The following DSCAML1 variants were observed in gnomAD, a reference collection of about 807,000 sequenced individuals.
The protein encoded by DSCAML1 is DS cell adhesion molecule like 1.
DSCAML1 carries 38 observed loss-of-function variants against 200.5 expected under a neutral mutation model. The ratio of observed to expected loss-of-function variants is 0.19; its 90% CI spans 0.15 to 0.25. DSCAML1 has a LOEUF of 0.25. Among genes scored for constraint, DSCAML1 ranks in the 10% least tolerant of loss-of-function variants. The pLI, the probability that DSCAML1 is intolerant of heterozygous loss-of-function variation, is 1.00. For missense variants in DSCAML1, 2,223 were observed against 2,858.8 expected (o/e 0.78, Z 5.07); for synonymous variants, 1,215 against 1,165.0 (o/e 1.04, Z -0.87).
rs1283063811 is a variant in DSCAML1 at position 117,428,340 on chromosome 11, G to A, written c.6150C>T (p.Tyr2050=). 7 of 1,560,248 alleles carry A rather than the reference G, an allele frequency of 4.5e-6. No individual in the cohort carries two copies. Among genetic ancestry groups the A allele is most frequent in the Non-Finnish European group, 6.1e-6 (7 of 1,139,714 alleles). Reference sequence around the variant, plus strand: ...CTTCCTGCGGGCCCTACACCAGGGTGTAGGATTTGGAGTAGGCCCCGGCCC... The same window carrying A: ...CTTCCTGCGGGCCCTACACCAGGGTATAGGATTTGGAGTAGGCCCCGGCCC... ...KQGAGAYSKS[Y]TLV Residue 2050 remains tyrosine (Y), a synonymous_variant, in exon 33 of 33, where the codon TAC becomes TAT. Transcript: ENST00000651296.
At chr11:117,472,850 C>T (rs1456627765) in intron 14 of DSCAML1, among the ~76,000 whole-genome samples, 1 of 152,124 alleles carries the variant, frequency 6.6e-6, no homozygotes, top group Admixed American at 6.5e-5. Context: ...GGCTGCGCAC[C>T]TATTAGGGGT....
chr11:117,731,134 T>A (rs889057406), intron 3 of DSCAML1, among the ~76,000 whole-genome samples: 1 of 152,244 alleles, frequency 6.6e-6, no homozygotes, highest in Non-Finnish European at 1.5e-5. Context: ...TAAATGGGTA[T>A]ATTGTATGGT....
At chr11:117,565,081 A>G (rs923204356) in intron 3 of DSCAML1, among the ~76,000 whole-genome samples, 4 of 152,064 alleles carry the variant, frequency 2.6e-5, no homozygotes, top group Admixed American at 1.3e-4. Context: ...CTCACTTTCA[A>G]TGACGACCTG....
chr11:117,726,350 G>T (rs1005021557), intron 3 of DSCAML1, among the ~76,000 whole-genome samples: 10 of 152,066 alleles, frequency 6.6e-5, no homozygotes, highest in Non-Finnish European at 1.5e-4. Flanking sequence ...TATTCTGTGT[G>T]GGGGAAGGGA....
rs1482175743 is a variant in DSCAML1 at position 117,504,500 on chromosome 11, C to T, written c.2182+424G>A. ...GTCACGAATACAGTCTAGGATTGGG[C>T]CTCAGTCAGAAAGCAAAGGCATCCC... On this transcript the variant is annotated intron_variant, in intron 10 of 32. Coordinates refer to ENST00000651296, the MANE Select transcript of DSCAML1 (RefSeq NM_020693.4). The surrounding 1 kb of genome is among the most constrained non-coding windows in gnomAD (Gnocchi z 5.0). 2.0e-5 allele frequency among the ~76,000 whole-genome samples: 3 copies of T among 152,106 alleles called. No homozygotes were observed. In the East Asian group the frequency reaches 5.8e-4, roughly 29 times the overall value.
intron 4 of DSCAML1, among the ~76,000 whole-genome samples, chr11:117,526,597 C>A (rs1488509657): frequency 5.9e-5 from 9 of 152,142 alleles, no homozygotes; most frequent in Non-Finnish European, 1.2e-4. Flanking sequence ...TGGCTCACTG[C>A]AACCTCCGCC....
At chr11:117,581,136 C>G (rs2051030662) in intron 3 of DSCAML1, among the ~76,000 whole-genome samples, 2 of 152,158 alleles carry the variant, frequency 1.3e-5, no homozygotes, top group South Asian at 2.1e-4. Context: ...GCCCTTTTGC[C>G]CCTGTGAAAA....
rs1463516176 is a variant in DSCAML1, at chr11:117,505,691, T to C, written c.1825A>G (p.Ile609Val). ...IQPFEFPPAS[I>V]GQLLYIPCVV... Reference sequence around the variant, plus strand: ...CAGGGAATGTAGAGCAGCTGGCCGATGGAGGCGGGTGGGAATTCGAAGGGC... The same window carrying C: ...CAGGGAATGTAGAGCAGCTGGCCGACGGAGGCGGGTGGGAATTCGAAGGGC... Residue 609 changes from isoleucine (I) to valine (V), a missense_variant, in exon 9 of 33, where the codon ATC (isoleucine) becomes GTC (valine). Transcript: ENST00000651296. This position sits in a 1 kb window ranked among gnomAD's most constrained non-coding sequence, Gnocchi z 6.7. 4 of 1,612,966 alleles carry C rather than the reference T, an allele frequency of 2.5e-6. No individual in the cohort carries two copies. Among genetic ancestry groups the C allele is most frequent in the East Asian group, 4.5e-5 (2 of 44,878 alleles).
chr11:117,487,326 A>C (rs1171894509), intron 11 of DSCAML1, among the ~76,000 whole-genome samples: 4 of 152,008 alleles, frequency 2.6e-5, no homozygotes, highest in East Asian at 1.9e-4. Flanking sequence ...ATTTTTTTGA[A>C]CATGTGACAG....
At chr11:117,581,711 G>A (rs994652117) in intron 3 of DSCAML1, among the ~76,000 whole-genome samples, 4 of 152,098 alleles carry the variant, frequency 2.6e-5, no homozygotes, top group Non-Finnish European at 5.9e-5. Flanking sequence ...TATTATCCCC[G>A]TTTTATAGAT....
At chr11:117,797,590 GC>G (rs200758468), upstream of DSCAML1, among the ~76,000 whole-genome samples, 1 of 150,174 alleles carries the variant, frequency 6.7e-6, no homozygotes, top group African/African-American at 2.4e-5. Context: ...AGCTTACCCG[GC>G]CCCCCCACCC....
rs550559850 is a variant in DSCAML1 at position 117,622,770 on chromosome 11, C to T, written c.512-90248G>A. 1.4e-4 allele frequency among the ~76,000 whole-genome samples: 21 copies of T among 152,306 alleles called. 1 individual carries two copies. In the South Asian group the frequency reaches 3.5e-3, roughly 26 times the overall value. On this transcript the variant is annotated intron_variant, in intron 3 of 32. Coordinates refer to ENST00000651296, the MANE Select transcript of DSCAML1 (RefSeq NM_020693.4). ...CATCTCAACTACCTACATTTTGGTG[C>T]TCCTCGTTCTCCCCCACCCTCAAGG...
intron 3 of DSCAML1, among the ~76,000 whole-genome samples, chr11:117,730,842 A>G (rs1007221388): frequency 8.5e-5 from 13 of 152,248 alleles, no homozygotes; most frequent in Admixed American, 8.5e-4. Context: ...TCAAATGTGG[A>G]TTCATCCTGC....
intron 3 of DSCAML1, among the ~76,000 whole-genome samples, chr11:117,765,109 G>A (rs1345813863): frequency 6.6e-6 from 1 of 152,212 alleles, no homozygotes; most frequent in Non-Finnish European, 1.5e-5. Context: ...CAAAGGTGAA[G>A]AGGAGGAGTC....
intron 3 of DSCAML1, among the ~76,000 whole-genome samples, chr11:117,647,139 C>T (rs2052536119): frequency 6.6e-6 from 1 of 152,232 alleles, no homozygotes; most frequent in Non-Finnish European, 1.5e-5. Flanking sequence ...AGCCTGCTCA[C>T]CAGAGCTGGA....
chr11:117,646,380 G>GCC (rs2052523593), intron 3 of DSCAML1, among the ~76,000 whole-genome samples: 1 of 152,132 alleles, frequency 6.6e-6, no homozygotes, highest in East Asian at 1.9e-4. Context: ...AGTGCCTGAT[G>GCC]GGAAGGGAGG....
upstream of DSCAML1, among the ~76,000 whole-genome samples, chr11:117,799,350 A>G (rs1012979006): frequency 1.3e-5 from 2 of 152,164 alleles, no homozygotes; most frequent in South Asian, 2.1e-4. Flanking sequence ...GGCCTGGGGT[A>G]GCGGCACAGC....
chr11:117,635,451 TGTGTG>T (rs1226110920), intron 3 of DSCAML1, among the ~76,000 whole-genome samples: 28 of 141,426 alleles, frequency 2.0e-4, no homozygotes, highest in African/African-American at 6.7e-4. Context: ...GTGTGTGGTG[TGTGTG>T]TGTGTGTGTG....
chr11:117,705,952 G>A (rs549801158), intron 3 of DSCAML1, among the ~76,000 whole-genome samples: 1 of 152,330 alleles, frequency 6.6e-6, no homozygotes, highest in Admixed American at 6.5e-5. Flanking sequence ...TTATTAGTAG[G>A]ACTTGGCGTC....
Sources: allele counts gnomAD v4.1 joint callset (sites outside exome capture counted in the v4.1 genomes callset), GRCh38; gene constraint gnomAD v4.1.1; non-coding constraint Gnocchi (gnomAD v3.1); transcripts MANE v1.5; gene names NCBI Gene and HGNC (gene_info 2026-07-23, HGNC 2026-07-21).